KCNJ15: variants seen among roughly 807,000 people sequenced by gnomAD.
KCNJ15 encodes the protein potassium inwardly rectifying channel subfamily J member 15.
In KCNJ15, 14 loss-of-function variants were observed where a neutral mutation model predicts 23.0. The observed-to-expected ratio is 0.61, with a 90% CI of 0.40 to 0.95. KCNJ15 has a LOEUF of 0.95. KCNJ15 is among the 40% of genes least tolerant of loss of function. The pLI is 0.00. For missense variants in KCNJ15, 388 were observed against 461.8 expected (o/e 0.84, Z 1.46); for synonymous variants, 185 against 183.2 (o/e 1.01, Z -0.08).
chr21:38,236,074 T>C (rs572969748), intron 1 of KCNJ15, among the ~76,000 whole-genome samples: 4 of 152,338 alleles, frequency 2.6e-5, no homozygotes, highest in Admixed American at 2.0e-4. Flanking sequence ...AAAATAAATA[T>C]TATATTGTTT....
At chr21:38,275,265 A>G (rs1023142138) in intron 1 of KCNJ15, among the ~76,000 whole-genome samples, 4 of 152,144 alleles carry the variant, frequency 2.6e-5, no homozygotes, top group African/African-American at 9.7e-5. Flanking sequence ...TTGCTAGATG[A>G]GCCTGGCTTC....
At position 38,306,305 on chromosome 21, in the gene KCNJ15, G is replaced by A. The variant is rs1400342476; in HGVS notation, c.*5916G>A. On this transcript the variant is annotated 3_prime_UTR_variant, in exon 3 of 3. Transcript: ENST00000398938. Reference sequence around the variant, plus strand: ...CTCAAAAATATTTCAGTAAATAAAAGTTAGATCTACTCAAAATTAGACTCC... The same window carrying A: ...CTCAAAAATATTTCAGTAAATAAAAATTAGATCTACTCAAAATTAGACTCC... 3 of 151,336 alleles carry A rather than the reference G, an allele frequency of 2.0e-5. No individual in the cohort carries two copies. The highest frequency in any genetic ancestry group is 4.4e-5 in the Non-Finnish European group (3 of 67,920). 9.4% of individuals were successfully genotyped at this position (151,336 alleles called of 1,614,324 possible). A position where few individuals can be genotyped will look rare whatever the true frequency, so the allele number is the denominator to read the frequency against.
chr21:38,296,742 G>A (rs1985203507), intron 1 of KCNJ15, 184 bp from the exon 2 acceptor site: 1 of 152,648 alleles, frequency 6.6e-6, no homozygotes, highest in Non-Finnish European at 1.5e-5. Context: ...GAGGGCTGTG[G>A]TTGGGGTTCA....
chr21:38,256,218 C>T (rs1980214798), upstream of KCNJ15, among the ~76,000 whole-genome samples: 1 of 151,854 alleles, frequency 6.6e-6, no homozygotes, highest in Non-Finnish European at 1.5e-5. Flanking sequence ...CCATTAGAAG[C>T]CTTCTTCAAG....
chr21:38,263,781 C>T (rs1399137805), intron 1 of KCNJ15, among the ~76,000 whole-genome samples: 1 of 152,144 alleles, frequency 6.6e-6, no homozygotes, highest in Non-Finnish European at 1.5e-5. Context: ...TGTGACTGGC[C>T]AGCCTTCGGG....
intron 1 of KCNJ15, among the ~76,000 whole-genome samples, chr21:38,291,400 T>C (rs950486429): frequency 2.6e-5 from 4 of 152,208 alleles, no homozygotes; most frequent in African/African-American, 9.6e-5. Context: ...GTTTGCTTTT[T>C]TCCAGCAATT....
chr21:38,288,912 A>G (rs1485826532), intron 1 of KCNJ15, among the ~76,000 whole-genome samples: 1 of 152,210 alleles, frequency 6.6e-6, no homozygotes, highest in East Asian at 1.9e-4. Context: ...TAAATAAAAC[A>G]CATTAAGCCG....
chr21:38,261,353 G>A (rs1233350162), intron 1 of KCNJ15, among the ~76,000 whole-genome samples: 1 of 152,196 alleles, frequency 6.6e-6, no homozygotes, highest in Non-Finnish European at 1.5e-5. Context: ...CTGGGCAAGT[G>A]AGGAACCCTG....
chr21:38,271,366 T>G (rs1982076005), intron 1 of KCNJ15, among the ~76,000 whole-genome samples: 1 of 152,178 alleles, frequency 6.6e-6, no homozygotes, highest in South Asian at 2.1e-4. Context: ...GGCCTAGAAC[T>G]CTTCACCAGG....
chr21:38,247,081 GATGGATGGATGGATGGATGC>G (rs60028142), intron 1 of KCNJ15, among the ~76,000 whole-genome samples: 5,328 of 71,050 alleles, frequency 0.075, 97 homozygotes, highest in East Asian at 0.27. Flanking sequence ...TGGATGGATG[GATGGATGGATGGATGGATGC>G]ATGGATGGAT....
In KCNJ15 at chr21:38,299,397, A is replaced by T. The variant is rs1393554755; in HGVS notation, c.136A>T (p.Ile46Leu). The T allele has an allele frequency of 6.2e-7, 1 of 1,614,230 alleles. No homozygotes were observed. Among genetic ancestry groups the T allele is most frequent in the Admixed American group, 1.7e-5 (1 of 60,018 alleles). ...CGTGAGAATTGACAAAGTGGATGGCATATACCTACTCTACCTGCAAGACCT... is the reference window on the plus strand; with the variant it reads ...CGTGAGAATTGACAAAGTGGATGGCTTATACCTACTCTACCTGCAAGACCT... Reference protein sequence around the residue: ...SNVRIDKVDGIYLLYLQDLWT... With the variant: ...SNVRIDKVDGLYLLYLQDLWT... Residue 46 changes from isoleucine to leucine, a missense_variant, in exon 3 of 3, where the codon ATA becomes TTA. Transcript: ENST00000398938. The surrounding 1 kb of genome is among the most constrained non-coding windows in gnomAD (Gnocchi z 4.5).
chr21:38,268,659 G>A (rs778269588), intron 1 of KCNJ15, among the ~76,000 whole-genome samples: 1 of 151,896 alleles, frequency 6.6e-6, no homozygotes, highest in Non-Finnish European at 1.5e-5. Context: ...TAATGAGAGA[G>A]GCGGCCTGGT....
At chr21:38,265,923 C>T (rs770247752) in intron 1 of KCNJ15, among the ~76,000 whole-genome samples, 4 of 152,150 alleles carry the variant, frequency 2.6e-5, no homozygotes, top group Admixed American at 2.0e-4. Flanking sequence ...CAGAACAAGA[C>T]GACTTCCAGG....
chr21:38,268,611 C>T (rs568180673), intron 1 of KCNJ15, among the ~76,000 whole-genome samples: 2 of 135,786 alleles, frequency 1.5e-5, no homozygotes, highest in African/African-American at 5.4e-5. Flanking sequence ...AAGCCCCTGA[C>T]AGGTAATGGT....
intron 1 of KCNJ15, chr21:38,238,316 C>A: frequency 1.4e-6 from 1 of 715,266 alleles, no homozygotes; most frequent in Non-Finnish European, 2.6e-6. Flanking sequence ...GTGGCCTGGT[C>A]TTCCTGCCTT....
rs62221667 is a variant in KCNJ15, at chr21:38,260,219, G to T, written c.-117+3034G>T. On this transcript the variant is annotated intron_variant, in intron 1 of 2. Coordinates refer to ENST00000398938, the MANE Select transcript of KCNJ15 (RefSeq NM_170736.3). ...GGGGGTAGATATTTCTGATAAAAAG[G>T]CCAGGCGAGAAAGTTGAACTTGACA... is the stretch of plus-strand genomic sequence containing the variant. Among the ~76,000 whole-genome samples, 130 of 152,234 alleles carry T rather than the reference G, an allele frequency of 8.5e-4. 1 individual carries two copies. The highest frequency in any genetic ancestry group is 1.7e-3 in the Non-Finnish European group (114 of 67,994).
chr21:38,264,797 A>C (rs1200670411), intron 1 of KCNJ15, among the ~76,000 whole-genome samples: 1 of 152,214 alleles, frequency 6.6e-6, no homozygotes, highest in Admixed American at 6.5e-5. Context: ...ACATCTTATT[A>C]AGGAGTGACA....
In KCNJ15 at chr21:38,283,592, A is replaced by G. The variant is rs967525942; in HGVS notation, c.-116-13334A>G. On this transcript the variant is annotated intron_variant, in intron 1 of 2. Transcript: ENST00000398938. ...CTTCTAATGTTTTAATATCATAATA[A>G]ATATAGAGAACACTCTTGTACATTA... is the stretch of plus-strand genomic sequence containing the variant. 7.2e-5 allele frequency among the ~76,000 whole-genome samples: 11 copies of G among 152,352 alleles called. No individual in the cohort carries two copies. The East Asian group carries it at 1.9e-3, about 27-fold the overall frequency.
intron 1 of KCNJ15, among the ~76,000 whole-genome samples, chr21:38,275,384 G>A (rs1481383220): frequency 6.6e-6 from 1 of 151,868 alleles, no homozygotes; most frequent in Non-Finnish European, 1.5e-5. Context: ...AGATACCCCA[G>A]TGTATCTGAA....
Sources: allele counts gnomAD v4.1 joint callset (sites outside exome capture counted in the v4.1 genomes callset), GRCh38; gene constraint gnomAD v4.1.1; non-coding constraint Gnocchi (gnomAD v3.1); transcripts MANE v1.5; gene names NCBI Gene and HGNC (gene_info 2026-07-23, HGNC 2026-07-21).